Variants in MARF1 observed in about 807,000 individuals in gnomAD.
MARF1 encodes meiosis regulator and mRNA stability factor 1, also known as limkain-b1.
A neutral mutation model predicts 168.2 loss-of-function variants in MARF1; 24 were observed. That is an observed-to-expected ratio of 0.14 (90% CI 0.10 to 0.20). MARF1 has a LOEUF of 0.20. Ranked by LOEUF, MARF1 falls within the 10% of genes least tolerant of loss-of-function variation. The probability of loss-of-function intolerance (pLI) is 1.00; values close to 1 mark genes in which losing one functional copy is unlikely to be tolerated. For missense variants in MARF1, 1,744 were observed against 2,143.6 expected (o/e 0.81, Z 3.68); for synonymous variants, 868 against 822.4 (o/e 1.06, Z -0.95).
In MARF1 at chr16:15,634,905, C is replaced by T. The variant is rs756567389; in HGVS notation, c.858G>A (p.Ala286=). The change falls in exon 4 of 27, where the codon GCG becomes GCA. Residue 286 remains alanine, a synonymous_variant. Coordinates refer to ENST00000396368, the MANE Select transcript of MARF1 (RefSeq NM_014647.4). ...GTGGTATATTTGGCCAGACTTTAGC[C>T]GCATCGATTATGCTATTTCTTGCTG... ...NKPARNSIID[A]AKVWPNIPPP... is the part of the protein sequence containing the mutation. 9 of 1,613,332 alleles carry T rather than the reference C, an allele frequency of 5.6e-6. No homozygotes were observed. The highest frequency in any genetic ancestry group is 1.7e-5 in the Admixed American group (1 of 59,916).
chr16:15,637,310 G>A (rs2035664944), intron 2 of MARF1, among the ~76,000 whole-genome samples: 1 of 152,188 alleles, frequency 6.6e-6, no homozygotes, highest in Non-Finnish European at 1.5e-5. Flanking sequence ...GATGAAGAGG[G>A]GGCCCTGCTA....
chr16:15,622,900 T>C lies in MARF1; in HGVS notation c.2460+34A>G, dbSNP rs374584060. 12 of 1,532,644 alleles carry C rather than the reference T, an allele frequency of 7.8e-6. No individual in the cohort carries two copies. In the African/African-American group the frequency reaches 1.1e-4, roughly 14 times the overall value. 94.9% of individuals were successfully genotyped at this position (1,532,644 alleles called of 1,614,324 possible). A position where few individuals can be genotyped will look rare whatever the true frequency, so the allele number is the denominator to read the frequency against. Reference sequence around the variant, plus strand: ...CTTGACTAGAGACTCCATCAGAGAGTATAACAAAGCAAGCACAAGAGGGAA... The same window carrying C: ...CTTGACTAGAGACTCCATCAGAGAGCATAACAAAGCAAGCACAAGAGGGAA... On this transcript the variant is annotated intron_variant, in intron 11 of 26. Transcript: ENST00000396368.
At position 15,594,456 on chromosome 16, in the gene MARF1, AC is replaced by A. The variant is rs1361173465; in HGVS notation, c.*2236del. On this transcript the variant is annotated 3_prime_UTR_variant, in exon 27 of 27. Coordinates refer to ENST00000396368, the MANE Select transcript of MARF1 (RefSeq NM_014647.4). ...CACACAAAACAGCACTTGAACCACA[AC>A]AAAAGTGTTCAAACAAAGTAGACAA... 1 of 152,616 alleles carries A rather than the reference AC, an allele frequency of 6.6e-6. No individual in the cohort carries two copies. The highest frequency in any genetic ancestry group is 1.5e-5 in the Non-Finnish European group (1 of 68,036). 9.5% of individuals were successfully genotyped at this position (152,616 alleles called of 1,614,324 possible).
rs2034711773 is a variant in MARF1 at position 15,624,687 on chromosome 16, G to A, written c.2270+82C>T. On this transcript the variant is annotated intron_variant, in intron 10 of 26. Coordinates refer to ENST00000396368, the MANE Select transcript of MARF1 (RefSeq NM_014647.4). ...TACTTTGTGCATTTCAGTACTATCTGAATTCTTTTCAACAAACATACTATT... is the reference window on the plus strand; with the variant it reads ...TACTTTGTGCATTTCAGTACTATCTAAATTCTTTTCAACAAACATACTATT... 4 of 1,346,558 alleles carry A rather than the reference G, an allele frequency of 3.0e-6. No individual in the cohort carries two copies. The Admixed American group carries it at 5.9e-5, about 20-fold the overall frequency. 83.4% of individuals were successfully genotyped at this position (1,346,558 alleles called of 1,614,324 possible). A position where few individuals can be genotyped will look rare whatever the true frequency, so the allele number is the denominator to read the frequency against.
chr16:15,619,985 G>A (rs1450804273), intron 13 of MARF1, among the ~76,000 whole-genome samples: 7 of 152,118 alleles, frequency 4.6e-5, no homozygotes, highest in Admixed American at 6.5e-5. Context: ...CTAATATGGC[G>A]AAACCCTGTC....
At position 15,602,036 on chromosome 16, in the gene MARF1, G is replaced by C. The variant is rs1295919637; in HGVS notation, c.4581C>G (p.Thr1527=). Residue 1527 remains threonine, a synonymous_variant, in exon 23 of 27, where the codon ACC becomes ACG. Coordinates refer to ENST00000396368, the MANE Select transcript of MARF1 (RefSeq NM_014647.4). ...KYVGETLQPK[T]YGHSSVEELL... Reference sequence around the variant, plus strand: ...GCTCCTCCACGCTGCTGTGGCCGTAGGTCTTGGGCTGCAGAGTTTCTCCGA... The same window carrying C: ...GCTCCTCCACGCTGCTGTGGCCGTACGTCTTGGGCTGCAGAGTTTCTCCGA... 1 of 1,614,174 alleles carries C rather than the reference G, an allele frequency of 6.2e-7. No homozygotes were observed. The highest frequency in any genetic ancestry group is 1.1e-5 in the South Asian group (1 of 91,084).
intron 6 of MARF1, 145 bp downstream of exon 6, chr16:15,631,236 A>G (rs550021181): frequency 2.1e-6 from 1 of 480,784 alleles, no homozygotes; most frequent in South Asian, 3.9e-5. Flanking sequence ...TTTTTTTTCT[A>G]AACAGTTCTC....
intron 2 of MARF1, among the ~76,000 whole-genome samples, chr16:15,636,807 C>A (rs1050725420): frequency 6.6e-6 from 1 of 152,118 alleles, no homozygotes; most frequent in African/African-American, 2.4e-5. Flanking sequence ...TTAGTAAGAT[C>A]CCCCAAAGGA....
intron 22 of MARF1, among the ~76,000 whole-genome samples, chr16:15,603,612 T>A (rs1275124866): frequency 6.6e-6 from 1 of 152,168 alleles, no homozygotes; most frequent in East Asian, 1.9e-4. Context: ...TGGTAATTGG[T>A]CTAATTTTTA....
At chr16:15,622,626 G>C (rs1004779755) in intron 11 of MARF1, among the ~76,000 whole-genome samples, 14 of 152,130 alleles carry the variant, frequency 9.2e-5, no homozygotes, top group Non-Finnish European at 7.4e-5. Flanking sequence ...CAGGTGATCT[G>C]GCCGCCTTGG....
chr16:15,635,403 C>A, intron 3 of MARF1: 2 of 503,542 alleles, frequency 4.0e-6, no homozygotes, highest in South Asian at 3.6e-5. Flanking sequence ...AAGGCTTTGC[C>A]AACCTCTTGT....
In MARF1 at chr16:15,636,109, G is replaced by A. The variant is rs772382224; in HGVS notation, c.378C>T (p.Thr126=). ...FGGGGGGSGG[T]SSLIHPGALL... ...GTGCGCCCGGGTGAATCAAGCTACT[G>A]GTACCTCCGCTACCGCCACCACCAC... Residue 126 remains threonine, a synonymous_variant, in exon 3 of 27, where the codon ACC becomes ACT. Transcript: ENST00000396368. 5.6e-6 allele frequency: 9 copies of A among 1,614,092 alleles called. No homozygotes were observed.
chr16:15,610,896 A>C, intron 19 of MARF1, 79 bp downstream of exon 19: 1 of 1,415,852 alleles, frequency 7.1e-7, no homozygotes, highest in Non-Finnish European at 9.8e-7. Flanking sequence ...AGGGAGGGAA[A>C]ACCACATCTT....
chr16:15,620,777 C>T (rs985892348), intron 12 of MARF1, among the ~76,000 whole-genome samples: 1 of 152,112 alleles, frequency 6.6e-6, no homozygotes, highest in Non-Finnish European at 1.5e-5. Flanking sequence ...AGCAGAAAAG[C>T]ATGATGAATT....
chr16:15,637,485 G>A (rs139836934), intron 2 of MARF1, among the ~76,000 whole-genome samples: 9 of 152,306 alleles, frequency 5.9e-5, no homozygotes, highest in African/African-American at 2.2e-4. Flanking sequence ...TAACAGCAAC[G>A]GGCTGACCAG....
chr16:15,632,029 C>T (rs913646488), intron 5 of MARF1, among the ~76,000 whole-genome samples: 2 of 152,058 alleles, frequency 1.3e-5, no homozygotes, highest in East Asian at 1.9e-4. Context: ...ATAAGTAATT[C>T]TTGAGAAAAA....
intron 2 of MARF1, among the ~76,000 whole-genome samples, chr16:15,636,704 A>T (rs545504160): frequency 6.6e-6 from 1 of 152,232 alleles, no homozygotes; most frequent in Non-Finnish European, 1.5e-5. Flanking sequence ...TATGAAAACA[A>T]CCCCTCACAA....
chr16:15,622,902 T>C (rs2151196806), intron 11 of MARF1, 32 bp downstream of exon 11: 1 of 1,544,116 alleles, frequency 6.5e-7, no homozygotes, highest in African/African-American at 1.4e-5. Flanking sequence ...TCAGAGAGTA[T>C]AACAAAGCAA....
At position 15,636,010 on chromosome 16, in the gene MARF1, T is replaced by C; in HGVS notation, c.477A>G (p.Ser159=). Residue 159 remains serine, a synonymous_variant, in exon 3 of 27, where the codon TCA becomes TCG. Transcript: ENST00000396368. ...GSGFAFQSAS[S]LQNASARNNL... ...TGTTCCTAGCTGAGGCATTCTGGAG[T>C]GAAGATGCAGACTGGAAAGCAAACC... 2.5e-6 allele frequency: 4 copies of C among 1,614,010 alleles called. No individual in the cohort carries two copies. Among genetic ancestry groups the C allele is most frequent in the Middle Eastern group, 3.3e-4 (2 of 6,060 alleles).
Sources: gnomAD v4.1 joint callset for allele counts (sites outside exome capture counted in the v4.1 genomes callset) on GRCh38, gnomAD v4.1.1 for gene constraint, MANE v1.5 for transcripts, NCBI Gene and HGNC (gene_info 2026-07-23, HGNC 2026-07-21) for gene names.